The following STK24 variants were observed in gnomAD, a reference collection of about 807,000 sequenced individuals.
The protein encoded by STK24 is serine/threonine-protein kinase 24.
STK24 carries 21 observed loss-of-function variants against 55.6 expected under a neutral mutation model. The observed-to-expected ratio is 0.38, with a 90% CI of 0.27 to 0.54. STK24 has a LOEUF of 0.54. Among genes scored for constraint, STK24 ranks in the 20% least tolerant of loss-of-function variants. The probability of loss-of-function intolerance (pLI) is 0.79; values close to 1 mark genes in which losing one functional copy is unlikely to be tolerated. For synonymous variants in STK24, 200 were observed against 215.2 expected, an observed-to-expected ratio of 0.93 and a Z score of 0.62; for missense variants, 383 against 538.4, an observed-to-expected ratio of 0.71 and a Z score of 2.86.
intron 1 of STK24, among the ~76,000 whole-genome samples, chr13:98,537,719 GC>G (rs756442163): frequency 6.6e-6 from 1 of 152,158 alleles, no homozygotes; most frequent in Non-Finnish European, 1.5e-5. Context: ...CCTTTCTGCT[GC>G]CCCCTCAGTG....
chr13:98,532,444 C>T (rs1344790176), intron 1 of STK24, among the ~76,000 whole-genome samples: 1 of 151,256 alleles, frequency 6.6e-6, no homozygotes, highest in East Asian at 1.9e-4. Flanking sequence ...CCATCCCACA[C>T]ACATCCCATC....
chr13:98,466,518 C>G lies in STK24; in HGVS notation c.641G>C (p.Arg214Thr), dbSNP rs1480769725. The G allele has an allele frequency of 6.2e-7, 1 of 1,614,096 alleles. No individual in the cohort carries two copies. The highest frequency in any genetic ancestry group is 1.7e-5 in the Admixed American group (1 of 60,036). ...CAGCTCGGAATGAGGTGGTTCCCCTCTTGCAAGTTCAATAGCTGTTATGCC... is the reference window on the plus strand; with the variant it reads ...CAGCTCGGAATGAGGTGGTTCCCCTGTTGCAAGTTCAATAGCTGTTATGCC... The part of the protein sequence containing the change: ...SLGITAIELA[R>T]GEPPHSELHP... The change falls in exon 6 of 11, where the codon AGA (arginine) becomes ACA (threonine). Residue 214 changes from arginine to threonine, a missense_variant. By Grantham distance (71) the Arg-to-Thr change is moderately conservative. Coordinates refer to ENST00000539966, the MANE Select transcript of STK24 (RefSeq NM_001032296.4).
chr13:98,467,172 T>C (rs1893956811), intron 5 of STK24, among the ~76,000 whole-genome samples: 1 of 152,184 alleles, frequency 6.6e-6, no homozygotes, highest in Non-Finnish European at 1.5e-5. Flanking sequence ...TACAAAGAAC[T>C]GAGAAATATT....
At position 98,570,805 on chromosome 13, in the gene STK24, T is replaced by A. The variant is rs554929110; in HGVS notation, c.42+5940A>T. On this transcript the variant is annotated intron_variant, in intron 1 of 10. Coordinates refer to ENST00000539966, the MANE Select transcript of STK24 (RefSeq NM_001032296.4). The stretch of plus-strand genomic sequence containing the variant: ...AGGCAGGTTATTTTTCCCAAAGCAT[T>A]TGGCACTTATATTTTTTATAATTTC... 4.6e-5 allele frequency among the ~76,000 whole-genome samples: 7 copies of A among 152,300 alleles called. No homozygotes were observed. The South Asian group carries it at 1.5e-3, about 32-fold the overall frequency.
chr13:98,516,351 C>T (rs1391704301), intron 2 of STK24, among the ~76,000 whole-genome samples: 4 of 152,190 alleles, frequency 2.6e-5, no homozygotes, highest in South Asian at 2.1e-4. Flanking sequence ...ATACAGAGAG[C>T]GCACTGGATA....
intron 1 of STK24, among the ~76,000 whole-genome samples, chr13:98,558,895 T>C (rs1224436944): frequency 6.7e-6 from 1 of 148,686 alleles, no homozygotes; most frequent in Non-Finnish European, 1.5e-5. Flanking sequence ...CTGGGCACGG[T>C]GGCTCACGCC....
At chr13:98,509,735 T>G (rs1334043836) in intron 2 of STK24, among the ~76,000 whole-genome samples, 2 of 152,152 alleles carry the variant, frequency 1.3e-5, no homozygotes, top group Non-Finnish European at 2.9e-5. Flanking sequence ...GCTCCCCATG[T>G]TCCATCTGCT....
At chr13:98,523,402 G>A (rs932745106) in intron 1 of STK24, among the ~76,000 whole-genome samples, 2 of 152,170 alleles carry the variant, frequency 1.3e-5, no homozygotes, top group African/African-American at 4.8e-5. Context: ...CCACCTCTCT[G>A]GGTCCACACC....
At chr13:98,506,434 G>T (rs1895682551) in intron 2 of STK24, among the ~76,000 whole-genome samples, 1 of 152,240 alleles carries the variant, frequency 6.6e-6, no homozygotes, top group South Asian at 2.1e-4. Flanking sequence ...GAGGAACACA[G>T]CAGTGCTAAC....
chr13:98,517,743 C>G (rs1367405807), intron 2 of STK24, among the ~76,000 whole-genome samples: 2 of 152,230 alleles, frequency 1.3e-5, no homozygotes, highest in African/African-American at 4.8e-5. Context: ...CACACAGCAA[C>G]ATTTGCTCTT....
At chr13:98,485,346 G>A (rs781483310) in intron 2 of STK24, among the ~76,000 whole-genome samples, 22 of 152,198 alleles carry the variant, frequency 1.4e-4, no homozygotes, top group South Asian at 4.1e-4. Flanking sequence ...ATGAAATCAC[G>A]GGGAATCAAA....
chr13:98,496,683 G>A (rs528470089), intron 2 of STK24, among the ~76,000 whole-genome samples: 3 of 152,190 alleles, frequency 2.0e-5, no homozygotes, highest in Non-Finnish European at 4.4e-5. Flanking sequence ...CTGCACATGT[G>A]ATCCTGTTTA....
At chr13:98,540,615 C>T (rs553702681) in intron 1 of STK24, among the ~76,000 whole-genome samples, 29 of 152,138 alleles carry the variant, frequency 1.9e-4, no homozygotes, top group Non-Finnish European at 4.1e-4. Context: ...GTCTACTCCT[C>T]CACCTAACTG....
intron 1 of STK24, among the ~76,000 whole-genome samples, chr13:98,550,950 TA>T (rs879333870): frequency 2.4e-4 from 36 of 146,964 alleles, no homozygotes; most frequent in South Asian, 4.3e-4. Flanking sequence ...AAGTTCAACT[TA>T]AAAAAAAAAA....
At chr13:98,569,714 G>A (rs2139465183) in intron 1 of STK24, among the ~76,000 whole-genome samples, 1 of 152,078 alleles carries the variant, frequency 6.6e-6, no homozygotes, top group Admixed American at 6.5e-5. Context: ...TGTACACACC[G>A]CATTCTGACC....
chr13:98,548,352 CCTTT>C (rs1897079215), intron 1 of STK24, among the ~76,000 whole-genome samples: 1 of 152,136 alleles, frequency 6.6e-6, no homozygotes, highest in South Asian at 2.1e-4. Flanking sequence ...GCTGTGTTGT[CCTTT>C]CTAAGCCACA....
rs1470168667 is a variant in STK24 at position 98,445,518 on chromosome 13, G to A, written c.*7655C>T. The A allele has an allele frequency of 3.3e-5, 5 of 152,264 alleles. No individual in the cohort carries two copies. The highest frequency in any genetic ancestry group is 1.2e-4 in the African/African-American group (5 of 41,436). The allele number at this position is 152,264 out of a possible 1,614,324, so 9.4% of individuals were successfully genotyped here. A position where few individuals can be genotyped will look rare whatever the true frequency, so the allele number is the denominator to read the frequency against. On this transcript the variant is annotated 3_prime_UTR_variant, in exon 11 of 11. Transcript: ENST00000539966. ...GCAACTGCCTCCTGGGCCACTAGAG[G>A]GCATGTGGGAGCCACTCACATGCAC... is the stretch of plus-strand genomic sequence containing the variant.
chr13:98,574,524 G>A lies in STK24; in HGVS notation c.42+2221C>T, dbSNP rs748033274. On this transcript the variant is annotated intron_variant, in intron 1 of 10. Coordinates refer to ENST00000539966, the MANE Select transcript of STK24 (RefSeq NM_001032296.4). ...ATTTGAAGTAGAAAATAAATGTGCT[G>A]TTGTTTTTCTTTTGTGGGGTGGGGG... 8.5e-5 allele frequency among the ~76,000 whole-genome samples: 13 copies of A among 152,202 alleles called. No individual in the cohort carries two copies. In the South Asian group the frequency reaches 2.7e-3, roughly 32 times the overall value.
At chr13:98,474,716 G>T (rs1894297594) in intron 5 of STK24, 105 bp downstream of exon 5, 3 of 1,413,966 alleles carry the variant, frequency 2.1e-6, no homozygotes, top group Non-Finnish European at 2.9e-6. Context: ...CCTACCTCAA[G>T]GTACCAGCTT....
Sources: allele counts gnomAD v4.1 joint callset (sites outside exome capture counted in the v4.1 genomes callset), GRCh38; gene constraint gnomAD v4.1.1; transcripts MANE v1.5; gene names NCBI Gene and HGNC (gene_info 2026-07-23, HGNC 2026-07-21).